Variants in MSRA observed in about 807,000 individuals in gnomAD.
MSRA encodes mitochondrial peptide methionine sulfoxide reductase.
Under a neutral mutation model 31.3 loss-of-function variants are expected in MSRA, and 54 were observed. The ratio of observed to expected loss-of-function variants is 1.73; its 90% CI spans 1.39 to 2.17. The LOEUF is 2.17. Among genes scored for constraint, MSRA ranks in the 30% most tolerant of loss-of-function variants. The pLI is 0.00. For missense variants in MSRA, 507 were observed against 300.9 expected (o/e 1.69, Z -5.07); for synonymous variants, 169 against 116.5 (o/e 1.45, Z -2.90).
chr8:10,273,507 G>T (rs560724855), intron 3 of MSRA, among the ~76,000 whole-genome samples: 1 of 152,182 alleles, frequency 6.6e-6, no homozygotes, highest in Admixed American at 6.5e-5. Flanking sequence ...ATGAATTACT[G>T]TTCATAAAGT....
intron 3 of MSRA, among the ~76,000 whole-genome samples, chr8:10,248,956 G>C (rs1052240088): frequency 3.3e-5 from 5 of 152,186 alleles, no homozygotes; most frequent in African/African-American, 1.2e-4. Context: ...ATTGGTTTCT[G>C]TGTCTGTAGG....
intron 3 of MSRA, among the ~76,000 whole-genome samples, chr8:10,286,957 G>A (rs1315379066): frequency 6.6e-6 from 1 of 152,208 alleles, no homozygotes; most frequent in Non-Finnish European, 1.5e-5. Context: ...TGACAAGGAA[G>A]TCGAGACTCA....
At chr8:10,336,441 T>A (rs1803050033) in intron 5 of MSRA, among the ~76,000 whole-genome samples, 2 of 151,956 alleles carry the variant, frequency 1.3e-5, no homozygotes, top group South Asian at 4.2e-4. Context: ...TTTAATCCTT[T>A]TTTTTTTTTC....
intron 1 of MSRA, among the ~76,000 whole-genome samples, chr8:10,109,061 G>T (rs1177928243): frequency 6.6e-6 from 1 of 152,146 alleles, no homozygotes; most frequent in Non-Finnish European, 1.5e-5. Context: ...CAACTCTCTA[G>T]GTTCTGGCCA....
intron 5 of MSRA, among the ~76,000 whole-genome samples, chr8:10,422,235 A>G (rs1008994207): frequency 6.6e-6 from 1 of 152,170 alleles, no homozygotes. Context: ...GCCATCAACC[A>G]TGGTTGCACC....
chr8:10,352,143 C>A (rs964643846), intron 5 of MSRA, among the ~76,000 whole-genome samples: 1 of 152,044 alleles, frequency 6.6e-6, no homozygotes, highest in Non-Finnish European at 1.5e-5. Context: ...GTGCTGGTGC[C>A]GATGAGCAGG....
chr8:10,316,950 C>G (rs1240470253), intron 4 of MSRA, among the ~76,000 whole-genome samples: 1 of 152,162 alleles, frequency 6.6e-6, no homozygotes, highest in African/African-American at 2.4e-5. Context: ...CCAGCAATGC[C>G]AGCATCCCTG....
chr8:10,266,864 T>G (rs1461146837), intron 3 of MSRA, among the ~76,000 whole-genome samples: 1 of 152,218 alleles, frequency 6.6e-6, no homozygotes, highest in African/African-American at 2.4e-5. Context: ...TACTGTCATA[T>G]TAAAATGCAA....
At chr8:10,061,811 C>T (rs1433497556) in intron 1 of MSRA, among the ~76,000 whole-genome samples, 3 of 152,154 alleles carry the variant, frequency 2.0e-5, no homozygotes, top group African/African-American at 7.2e-5. Context: ...TGAACTTTTC[C>T]CTGAGTTATT....
At chr8:10,237,355 T>G (rs1333082524) in intron 2 of MSRA, among the ~76,000 whole-genome samples, 1 of 152,238 alleles carries the variant, frequency 6.6e-6, no homozygotes, top group East Asian at 1.9e-4. Context: ...TTCCAGGTGG[T>G]TTTAAAATTT....
At chr8:10,087,136 C>A (rs1798601931) in intron 1 of MSRA, among the ~76,000 whole-genome samples, 1 of 152,134 alleles carries the variant, frequency 6.6e-6, no homozygotes, top group South Asian at 2.1e-4. Context: ...CCTACTAGAC[C>A]TTAAACATCT....
intron 1 of MSRA, among the ~76,000 whole-genome samples, chr8:10,056,783 C>T (rs1027573863): frequency 6.6e-6 from 1 of 152,196 alleles, no homozygotes; most frequent in African/African-American, 2.4e-5. Context: ...TTCACCTCCA[C>T]TGCAACTTGG....
At chr8:10,243,376 A>G (rs573225521) in intron 2 of MSRA, among the ~76,000 whole-genome samples, 147 of 152,228 alleles carry the variant, frequency 9.7e-4, no homozygotes, top group African/African-American at 3.4e-3. Context: ...GAGAATCCCT[A>G]TCATCCTCCC....
intron 1 of MSRA, among the ~76,000 whole-genome samples, chr8:10,133,421 T>G (rs546182724): frequency 2.6e-5 from 4 of 152,286 alleles, no homozygotes; most frequent in South Asian, 4.1e-4. Flanking sequence ...AACGCCTCAG[T>G]GCTTCAGCGA....
At chr8:10,396,316 C>T (rs1807096173) in intron 5 of MSRA, among the ~76,000 whole-genome samples, 1 of 152,314 alleles carries the variant, frequency 6.6e-6, no homozygotes, top group South Asian at 2.1e-4. Context: ...TTTATTTACA[C>T]ACTGAGTGGG....
chr8:10,090,995 A>C (rs998699612), intron 1 of MSRA, among the ~76,000 whole-genome samples: 1 of 152,176 alleles, frequency 6.6e-6, no homozygotes, highest in South Asian at 2.1e-4. Flanking sequence ...GTGGGCATTT[A>C]TGTGTGCATT....
intron 3 of MSRA, among the ~76,000 whole-genome samples, chr8:10,284,264 C>T (rs558501150): frequency 3.0e-4 from 46 of 152,286 alleles, no homozygotes; most frequent in African/African-American, 1.1e-3. Context: ...TCTCGGCTCA[C>T]TGCAACCTCC....
chr8:10,423,210 C>G (rs1475465851), intron 5 of MSRA, among the ~76,000 whole-genome samples: 4 of 152,222 alleles, frequency 2.6e-5, no homozygotes, highest in Non-Finnish European at 5.9e-5. Flanking sequence ...TCCTCTCCAG[C>G]TCTCCTGACA....
intron 5 of MSRA, among the ~76,000 whole-genome samples, chr8:10,364,121 G>C (rs909364023): frequency 5.3e-5 from 8 of 152,140 alleles, no homozygotes; most frequent in African/African-American, 1.9e-4. Context: ...TCAAGGTCCA[G>C]ATGAGCAATT....
Sources: allele counts gnomAD v4.1 joint callset (sites outside exome capture counted in the v4.1 genomes callset), GRCh38; gene constraint gnomAD v4.1.1; transcripts MANE v1.5; gene names NCBI Gene and HGNC (gene_info 2026-07-23, HGNC 2026-07-21).